Variants in CMIP observed in about 807,000 individuals in gnomAD.
CMIP encodes c-Maf inducing protein, also known as C-Maf-inducing protein.
Under a neutral mutation model 97.3 loss-of-function variants are expected in CMIP, and 13 were observed. That is an observed-to-expected ratio of 0.13 (90% CI 0.09 to 0.21). The LOEUF (loss-of-function observed/expected upper bound fraction) is 0.21. CMIP is among the 10% of genes least tolerant of loss of function. CMIP has a pLI of 1.00. For missense variants in CMIP, 847 were observed against 1,024.9 expected (o/e 0.83, Z 2.37); for synonymous variants, 538 against 436.3 (o/e 1.23, Z -2.91).
intron 1 of CMIP, among the ~76,000 whole-genome samples, chr16:81,486,599 C>T (rs1003528169): frequency 6.6e-6 from 1 of 152,222 alleles, no homozygotes; most frequent in African/African-American, 2.4e-5. Flanking sequence ...CGCAGAGTTT[C>T]CGGGTGTCCT....
At chr16:81,709,186 C>A (rs964780183) in intron 20 of CMIP, among the ~76,000 whole-genome samples, 1 of 152,202 alleles carries the variant, frequency 6.6e-6, no homozygotes, top group African/African-American at 2.4e-5. Context: ...GAATCTAAGC[C>A]AAACCCTGGG....
chr16:81,636,464 C>T (rs568802816), intron 3 of CMIP, among the ~76,000 whole-genome samples: 3 of 151,780 alleles, frequency 2.0e-5, no homozygotes, highest in African/African-American at 7.3e-5. Context: ...GCCCGTAATC[C>T]CAGCTACTAG....
rs1030830962 is a variant in CMIP at position 81,616,498 on chromosome 16, C to T, written c.427-4378C>T. ...CGTGGTGCCTGGTACCGAGTAAGCA[C>T]CCGTGGTCTGTGGTTGGTAGTGACA... is the stretch of plus-strand genomic sequence containing the variant. On this transcript the variant is annotated intron_variant, in intron 2 of 20. Coordinates refer to ENST00000537098, the MANE Select transcript of CMIP (RefSeq NM_198390.3). This position sits in a 1 kb window ranked among gnomAD's most constrained non-coding sequence, Gnocchi z 4.7. Among the ~76,000 whole-genome samples the T allele has an allele frequency of 1.3e-5, 2 of 152,188 alleles. No individual in the cohort carries two copies. The highest frequency in any genetic ancestry group is 4.8e-5 in the African/African-American group (2 of 41,456).
intron 19 of CMIP, among the ~76,000 whole-genome samples, chr16:81,706,614 A>T (rs773038525): frequency 1.4e-4 from 22 of 152,210 alleles, no homozygotes; most frequent in Non-Finnish European, 2.9e-4. Flanking sequence ...CCAGAGGTTG[A>T]GGCTTGCTTT....
chr16:81,689,482 T>C (rs1905810535), intron 10 of CMIP, among the ~76,000 whole-genome samples: 1 of 152,262 alleles, frequency 6.6e-6, no homozygotes, highest in African/African-American at 2.4e-5. Flanking sequence ...GTTCATATCC[T>C]TCGCCCACTT....
At chr16:81,498,175 C>A (rs958431008) in intron 1 of CMIP, among the ~76,000 whole-genome samples, 1 of 152,206 alleles carries the variant, frequency 6.6e-6, no homozygotes, top group Non-Finnish European at 1.5e-5. Flanking sequence ...CCATAGAACT[C>A]GGCTTCCTTG....
At chr16:81,580,765 C>T (rs529765088) in intron 1 of CMIP, among the ~76,000 whole-genome samples, 2 of 152,004 alleles carry the variant, frequency 1.3e-5, no homozygotes, top group Admixed American at 1.3e-4. Flanking sequence ...CCACTGCACT[C>T]CAGCCTGGGC....
chr16:81,612,305 C>G (rs1042905566), intron 2 of CMIP, among the ~76,000 whole-genome samples: 2 of 152,306 alleles, frequency 1.3e-5, no homozygotes, highest in East Asian at 1.9e-4. Context: ...CAGGGAGACC[C>G]TCCTCCCAAG....
chr16:81,490,410 A>G (rs1326959620), intron 1 of CMIP, among the ~76,000 whole-genome samples: 2 of 152,208 alleles, frequency 1.3e-5, no homozygotes, highest in Non-Finnish European at 2.9e-5. Context: ...GCTTGAGCTC[A>G]GGAGTTCGAG....
chr16:81,660,808 A>G (rs940985572), intron 5 of CMIP, 76 bp from the exon 6 acceptor site: 37 of 1,496,360 alleles, frequency 2.5e-5, no homozygotes, highest in Non-Finnish European at 3.4e-5. Flanking sequence ...ACTTCACAAT[A>G]TGGCCTGGAG....
intron 3 of CMIP, among the ~76,000 whole-genome samples, chr16:81,626,682 T>G (rs1327250936): frequency 7.0e-6 from 1 of 141,874 alleles, no homozygotes; most frequent in African/African-American, 2.7e-5. Context: ...TGTGTGTATA[T>G]GTGGCATGTG....
At chr16:81,476,200 G>T (rs1907905815) in intron 1 of CMIP, 3 of 1,316,648 alleles carry the variant, frequency 2.3e-6, no homozygotes, top group Non-Finnish European at 3.3e-6. Context: ...GGAACCGTTT[G>T]TGTTGGGTCC....
At chr16:81,580,220 G>C (rs1333195376) in intron 1 of CMIP, among the ~76,000 whole-genome samples, 1 of 152,160 alleles carries the variant, frequency 6.6e-6, no homozygotes, top group Non-Finnish European at 1.5e-5. Context: ...TTGAGGGCAG[G>C]GCCGTGATCA....
chr16:81,606,512 C>G (rs577124953), intron 1 of CMIP, among the ~76,000 whole-genome samples: 6 of 152,302 alleles, frequency 3.9e-5, no homozygotes, highest in Admixed American at 1.3e-4. Context: ...GACAGCAAGA[C>G]TCACTCAGAG....
intron 7 of CMIP, chr16:81,664,828 G>T: frequency 8.4e-6 from 2 of 237,554 alleles, no homozygotes; most frequent in Non-Finnish European, 8.0e-6. Flanking sequence ...CAGTTAGACA[G>T]AATATTCCCT....
At chr16:81,512,239 C>T (rs975970284) in intron 1 of CMIP, among the ~76,000 whole-genome samples, 1 of 152,272 alleles carries the variant, frequency 6.6e-6, no homozygotes, top group East Asian at 1.9e-4. Context: ...TGATTCCTCT[C>T]TAGGTAGGTG....
At chr16:81,586,436 G>T (rs2091383886) in intron 1 of CMIP, among the ~76,000 whole-genome samples, 1 of 152,032 alleles carries the variant, frequency 6.6e-6, no homozygotes. Flanking sequence ...GATCCTTGGG[G>T]GCCCAAGAGT....
intron 7 of CMIP, chr16:81,666,292 G>C (rs575548045): frequency 1.3e-5 from 2 of 152,306 alleles, no homozygotes; most frequent in South Asian, 4.1e-4. Context: ...GTCAATGGCA[G>C]AGCCACACCC....
chr16:81,572,893 C>T lies in CMIP; in HGVS notation c.301-34674C>T, dbSNP rs537372075. ...CAGTCCTGCCTCCCAGGAACCCCCTCCGTCTCAGACACACCTCCATGATTG... is the reference window on the plus strand; with the variant it reads ...CAGTCCTGCCTCCCAGGAACCCCCTTCGTCTCAGACACACCTCCATGATTG... On this transcript the variant is annotated intron_variant, in intron 1 of 20. Transcript: ENST00000537098. 2.0e-5 allele frequency among the ~76,000 whole-genome samples: 3 copies of T among 152,226 alleles called. No individual in the cohort carries two copies. The South Asian group carries it at 6.2e-4, about 32-fold the overall frequency.
Sources: allele counts gnomAD v4.1 joint callset (sites outside exome capture counted in the v4.1 genomes callset), GRCh38; gene constraint gnomAD v4.1.1; non-coding constraint Gnocchi (gnomAD v3.1); transcripts MANE v1.5; gene names NCBI Gene and HGNC (gene_info 2026-07-23, HGNC 2026-07-21).